The following KCNMA1 variants were observed in gnomAD, a reference collection of about 807,000 sequenced individuals.
The protein encoded by KCNMA1 is potassium calcium-activated channel subfamily M alpha 1, also known as Calcium-activated potassium channel subunit alpha-1.
In KCNMA1, 29 loss-of-function variants were observed where a neutral mutation model predicts 140.0. The ratio of observed to expected loss-of-function variants is 0.21; its 90% CI spans 0.15 to 0.28. KCNMA1 has a LOEUF of 0.28. Among genes scored for constraint, KCNMA1 ranks in the 10% least tolerant of loss-of-function variants. The pLI is 1.00. For missense variants in KCNMA1, 880 were observed against 1,602.2 expected, an observed-to-expected ratio of 0.55 and a Z score of 7.70; for synonymous variants, 612 against 611.9, an observed-to-expected ratio of 1.00 and a Z score of 0.00.
At chr10:77,100,313 A>G (rs1236578616) in intron 9 of KCNMA1, among the ~76,000 whole-genome samples, 1 of 152,198 alleles carries the variant, frequency 6.6e-6, no homozygotes, top group Non-Finnish European at 1.5e-5. Flanking sequence ...ATAAGCTCCC[A>G]CTGAGATGGG....
At chr10:77,334,884 A>AT (rs1311366055) in intron 2 of KCNMA1, among the ~76,000 whole-genome samples, 1 of 152,248 alleles carries the variant, frequency 6.6e-6, no homozygotes. Flanking sequence ...CATGTATCCA[A>AT]TATTTTTAAA....
At chr10:77,080,391 C>T (rs2096534953) in intron 12 of KCNMA1, among the ~76,000 whole-genome samples, 2 of 152,158 alleles carry the variant, frequency 1.3e-5, no homozygotes, top group Admixed American at 1.3e-4. Flanking sequence ...CATCAGCTTG[C>T]CTTTGAATTC....
chr10:77,493,461 G>T (rs1296949824), intron 1 of KCNMA1, among the ~76,000 whole-genome samples: 7 of 152,260 alleles, frequency 4.6e-5, no homozygotes, highest in African/African-American at 1.7e-4. Context: ...GAACTGTGAG[G>T]CGTCAAGCGT....
chr10:76,891,451 T>A, intron 26 of KCNMA1, 74 bp downstream of exon 26: 1 of 1,180,858 alleles, frequency 8.5e-7, no homozygotes, highest in Non-Finnish European at 1.2e-6. Context: ...GCTTGTCACA[T>A]CTGATACCAC....
chr10:77,111,582 G>A (rs555080988), intron 7 of KCNMA1, among the ~76,000 whole-genome samples: 39 of 152,278 alleles, frequency 2.6e-4, no homozygotes, highest in South Asian at 2.1e-4. Context: ...TGGTGACTAC[G>A]TGAGGCCCCA....
At chr10:76,899,903 A>T (rs999166908) in intron 25 of KCNMA1, among the ~76,000 whole-genome samples, 2 of 152,140 alleles carry the variant, frequency 1.3e-5, no homozygotes, top group South Asian at 4.1e-4. Context: ...TAAAAGTAGG[A>T]TCCCCAAAAC....
intron 1 of KCNMA1, among the ~76,000 whole-genome samples, chr10:77,503,799 G>A (rs531361948): frequency 6.6e-6 from 1 of 152,228 alleles, no homozygotes. Flanking sequence ...CTCTGTTTGA[G>A]CTGCCACAAG....
chr10:76,913,994 G>C, intron 24 of KCNMA1: 1 of 1,267,648 alleles, frequency 7.9e-7, no homozygotes, highest in Non-Finnish European at 1.1e-6. Context: ...GCTGATGATA[G>C]TTGGAAACAC....
At chr10:77,565,451 A>G (rs988941308) in intron 1 of KCNMA1, among the ~76,000 whole-genome samples, 1 of 152,210 alleles carries the variant, frequency 6.6e-6, no homozygotes, top group African/African-American at 2.4e-5. Flanking sequence ...AAGGTAGAGG[A>G]AAAAAATGTG....
intron 19 of KCNMA1, chr10:76,973,132 G>A (rs1441703125): frequency 4.6e-5 from 7 of 152,080 alleles, no homozygotes; most frequent in Non-Finnish European, 1.0e-4. Context: ...CTACATTTTG[G>A]CTAATTACAA....
At chr10:77,545,774 G>A (rs1567458167) in intron 1 of KCNMA1, among the ~76,000 whole-genome samples, 2 of 152,240 alleles carry the variant, frequency 1.3e-5, no homozygotes, top group East Asian at 3.8e-4. Context: ...CAGCGAGGCT[G>A]TGGACTGTGG....
chr10:77,184,058 G>A lies in KCNMA1; in HGVS notation c.697-526C>T, dbSNP rs532910028. 7.1e-5 allele frequency among the ~76,000 whole-genome samples: 8 copies of A among 112,422 alleles called. No homozygotes were observed. In the South Asian group the frequency reaches 1.4e-3, roughly 20 times the overall value. 73.8% of individuals were successfully genotyped at this position (112,422 alleles called of 152,430 possible). ...AACTATAAATAAAGCACATATGTAC[G>A]CATTCACACACACACACACACACAC... On this transcript the variant is annotated intron_variant, in intron 4 of 27. Transcript: ENST00000286628.
intron 2 of KCNMA1, among the ~76,000 whole-genome samples, chr10:77,321,235 A>C (rs1195990776): frequency 6.6e-6 from 1 of 152,192 alleles, no homozygotes; most frequent in Non-Finnish European, 1.5e-5. Flanking sequence ...CCGTGGCTTC[A>C]CCCTACATGC....
At chr10:77,262,072 T>TA (rs934927111) in intron 2 of KCNMA1, among the ~76,000 whole-genome samples, 4 of 152,172 alleles carry the variant, frequency 2.6e-5, no homozygotes, top group African/African-American at 9.7e-5. Flanking sequence ...TAAATTACAT[T>TA]AAAGGCAAAA....
intron 1 of KCNMA1, among the ~76,000 whole-genome samples, chr10:77,455,720 A>T (rs542833403): frequency 1.8e-4 from 28 of 152,280 alleles, no homozygotes; most frequent in Admixed American, 1.8e-3. Flanking sequence ...ACTCACACAG[A>T]AGGCCCAGAC....
chr10:76,957,689 T>C (rs899978150), intron 20 of KCNMA1, among the ~76,000 whole-genome samples: 9 of 152,158 alleles, frequency 5.9e-5, no homozygotes, highest in Non-Finnish European at 1.3e-4. Context: ...ATTTTGAAAG[T>C]ACTGGACCAT....
intron 19 of KCNMA1, among the ~76,000 whole-genome samples, chr10:76,995,978 C>T (rs1221140882): frequency 6.6e-6 from 1 of 152,154 alleles, no homozygotes. Context: ...TGCCTTTTGC[C>T]TACTGTTCCC....
At chr10:77,397,105 A>G (rs996066634) in intron 2 of KCNMA1, among the ~76,000 whole-genome samples, 3 of 152,140 alleles carry the variant, frequency 2.0e-5, no homozygotes, top group Admixed American at 1.3e-4. Flanking sequence ...AACATGCAGA[A>G]ACTAAGTGAC....
intron 1 of KCNMA1, among the ~76,000 whole-genome samples, chr10:77,501,736 C>A (rs933146741): frequency 4.1e-4 from 63 of 152,180 alleles, no homozygotes; most frequent in African/African-American, 1.5e-3. Context: ...ATGCTGTCCT[C>A]AAGTACCACG....
Sources: allele counts gnomAD v4.1 joint callset (sites outside exome capture counted in the v4.1 genomes callset), GRCh38; gene constraint gnomAD v4.1.1; transcripts MANE v1.5; gene names NCBI Gene and HGNC (gene_info 2026-07-23, HGNC 2026-07-21).